MIPOL1: variants seen among roughly 807,000 people sequenced by gnomAD.
MIPOL1 encodes the protein mirror-image polydactyly 1, also known as mirror-image polydactyly gene 1 protein.
Under a neutral mutation model 60.9 loss-of-function variants are expected in MIPOL1, and 57 were observed. That is an observed-to-expected ratio of 0.94 (90% confidence interval 0.76 to 1.17). MIPOL1 has a LOEUF of 1.17. Among genes scored for constraint, MIPOL1 ranks in the 50% most tolerant of loss-of-function variants. MIPOL1 has a pLI of 0.00. For synonymous variants in MIPOL1, 179 were observed against 168.8 expected, an observed-to-expected ratio of 1.06 and a Z score of -0.47; for missense variants, 551 against 511.6, an observed-to-expected ratio of 1.08 and a Z score of -0.74.
chr14:37,334,588 G>A (rs1225614264), intron 9 of MIPOL1, among the ~76,000 whole-genome samples: 1 of 151,834 alleles, frequency 6.6e-6, no homozygotes, highest in Non-Finnish European at 1.5e-5. Flanking sequence ...GATTTGTGTA[G>A]TCACTACTAC....
At chr14:37,308,253 C>T in intron 8 of MIPOL1, 96 bp from the exon 9 acceptor site, 2 of 1,210,122 alleles carry the variant, frequency 1.7e-6, no homozygotes, top group Admixed American at 2.5e-5. Context: ...TTCACTCAGT[C>T]AATTTACAAT....
At chr14:37,252,126 TG>T (rs1023390447) in intron 3 of MIPOL1, among the ~76,000 whole-genome samples, 13 of 151,750 alleles carry the variant, frequency 8.6e-5, no homozygotes, top group African/African-American at 3.1e-4. Context: ...TTAATGAGTT[TG>T]TTCAATATTG....
intron 1 of MIPOL1, among the ~76,000 whole-genome samples, chr14:37,226,780 G>A (rs1441125278): frequency 6.6e-6 from 1 of 152,100 alleles, no homozygotes; most frequent in Non-Finnish European, 1.5e-5. Flanking sequence ...CACCAGCCTG[G>A]GCAGTGGAGT....
chr14:37,241,819 C>A (rs1391718700), intron 1 of MIPOL1, among the ~76,000 whole-genome samples: 1 of 152,098 alleles, frequency 6.6e-6, no homozygotes, highest in Non-Finnish European at 1.5e-5. Context: ...CCTAACTGAA[C>A]TAAGAAATGT....
chr14:37,304,527 G>A (rs1186125692), intron 7 of MIPOL1, among the ~76,000 whole-genome samples: 1 of 151,730 alleles, frequency 6.6e-6, no homozygotes, highest in East Asian at 1.9e-4. Flanking sequence ...TAGAAAATGA[G>A]AGAGAATAAA....
chr14:37,542,818 G>A (rs1331471825), intron 12 of MIPOL1, among the ~76,000 whole-genome samples: 2 of 152,112 alleles, frequency 1.3e-5, no homozygotes, highest in East Asian at 3.9e-4. Flanking sequence ...AATAATCAAA[G>A]CCCAGCACAA....
intron 1 of MIPOL1, among the ~76,000 whole-genome samples, chr14:37,201,268 T>C (rs1349322172): frequency 2.0e-5 from 3 of 152,112 alleles, no homozygotes; most frequent in African/African-American, 7.2e-5. Context: ...TAAACATACT[T>C]TATTTGGTTT....
intron 9 of MIPOL1, among the ~76,000 whole-genome samples, chr14:37,365,370 A>C (rs2092435300): frequency 6.6e-6 from 1 of 152,062 alleles, no homozygotes; most frequent in Non-Finnish European, 1.5e-5. Flanking sequence ...TTATTATGTT[A>C]ATGTACATTC....
intron 11 of MIPOL1, among the ~76,000 whole-genome samples, chr14:37,487,158 A>G (rs768525493): frequency 6.6e-6 from 1 of 151,762 alleles, no homozygotes; most frequent in Non-Finnish European, 1.5e-5. Context: ...CATATGTTGA[A>G]CCATCCTTGC....
intron 11 of MIPOL1, among the ~76,000 whole-genome samples, chr14:37,492,529 A>C (rs1053926308): frequency 6.6e-6 from 1 of 152,214 alleles, no homozygotes; most frequent in Non-Finnish European, 1.5e-5. Context: ...TACAGATATG[A>C]ATGCGTATTC....
chr14:37,328,779 A>C (rs1019803239), intron 9 of MIPOL1, among the ~76,000 whole-genome samples: 5 of 152,190 alleles, frequency 3.3e-5, no homozygotes, highest in African/African-American at 1.2e-4. Flanking sequence ...TGGAAATAGC[A>C]GTTGGGAACC....
chr14:37,534,507 C>G (rs1304741973), intron 12 of MIPOL1, among the ~76,000 whole-genome samples: 1 of 152,092 alleles, frequency 6.6e-6, no homozygotes, highest in Non-Finnish European at 1.5e-5. Flanking sequence ...GATATTTATT[C>G]ATAAGCAATA....
intron 11 of MIPOL1, among the ~76,000 whole-genome samples, chr14:37,458,238 A>G (rs911027322): frequency 3.9e-5 from 6 of 152,162 alleles, no homozygotes; most frequent in South Asian, 2.1e-4. Flanking sequence ...CAACATCCCA[A>G]TGCCAGCATT....
chr14:37,337,995 T>A (rs1433868772), intron 9 of MIPOL1, among the ~76,000 whole-genome samples: 1 of 152,120 alleles, frequency 6.6e-6, no homozygotes, highest in Admixed American at 6.5e-5. Flanking sequence ...TTATAGTTTA[T>A]CCTTTACATT....
chr14:37,433,038 G>T (rs2094102224), intron 11 of MIPOL1, among the ~76,000 whole-genome samples: 1 of 152,176 alleles, frequency 6.6e-6, no homozygotes, highest in Non-Finnish European at 1.5e-5. Flanking sequence ...TGGAAAACCA[G>T]TGAAGGGCTG....
At chr14:37,372,778 G>C (rs1461796413) in intron 10 of MIPOL1, among the ~76,000 whole-genome samples, 3 of 148,974 alleles carry the variant, frequency 2.0e-5, no homozygotes, top group African/African-American at 7.4e-5. Flanking sequence ...AAAATTGCTA[G>C]GCATAGCACT....
intron 10 of MIPOL1, among the ~76,000 whole-genome samples, chr14:37,402,348 G>T (rs2093499924): frequency 6.6e-6 from 1 of 152,078 alleles, no homozygotes; most frequent in Non-Finnish European, 1.5e-5. Flanking sequence ...ACCCCAAAAT[G>T]CATATAAAAT....
intron 9 of MIPOL1, among the ~76,000 whole-genome samples, chr14:37,342,094 G>A (rs1191133033): frequency 2.6e-5 from 4 of 152,130 alleles, no homozygotes; most frequent in Non-Finnish European, 5.9e-5. Flanking sequence ...GGGTGGAGTG[G>A]CTCATGCCTG....
At chr14:37,385,683 A>G (rs2093046975) in intron 10 of MIPOL1, 1 of 152,096 alleles carries the variant, frequency 6.6e-6, no homozygotes, top group Non-Finnish European at 1.5e-5. Flanking sequence ...CATGATTTAT[A>G]TAATCTATAC....
Sources: allele counts gnomAD v4.1 joint callset (sites outside exome capture counted in the v4.1 genomes callset), GRCh38; gene constraint gnomAD v4.1.1; transcripts MANE v1.5; gene names NCBI Gene and HGNC (gene_info 2026-07-23, HGNC 2026-07-21).